SMIM31: variants seen among roughly 807,000 people sequenced by gnomAD.
The protein encoded by SMIM31 is human epithelial cell program regulator.
intron 2 of SMIM31, among the ~76,000 whole-genome samples, chr4:164,774,097 T>C (rs1407592294): frequency 3.6e-5 from 5 of 138,826 alleles, no homozygotes. Context: ...ACCCGGGAGG[T>C]GGAGCATGCC....
intron 2 of SMIM31, among the ~76,000 whole-genome samples, chr4:164,785,845 G>A (rs889862957): frequency 6.6e-6 from 1 of 152,016 alleles, no homozygotes; most frequent in African/African-American, 2.4e-5. Flanking sequence ...AATGGAAGAA[G>A]TAGAATATCA....
At position 164,772,568 on chromosome 4, in the gene SMIM31, T is replaced by A. The variant is rs1732819721; in HGVS notation, c.112+2013T>A. On this transcript the variant is annotated intron_variant, in intron 2 of 2. Coordinates refer to ENST00000507311, the MANE Select transcript of SMIM31 (RefSeq NM_001352885.1). ...CAAGCAAGGACACTGAAGTTTTATT[T>A]TTTTTATTTTTATTTTATTTTTTTT... Among the ~76,000 whole-genome samples the A allele has an allele frequency of 9.2e-5, 10 of 108,840 alleles. 1 individual carries two copies. The highest frequency in any genetic ancestry group is 8.9e-4 in the Admixed American group (9 of 10,114). The allele number at this position is 108,840 out of a possible 152,430, so 71.4% of individuals were successfully genotyped here.
chr4:164,758,676 C>T (rs573501700), intron 1 of SMIM31, among the ~76,000 whole-genome samples: 1 of 146,032 alleles, frequency 6.8e-6, no homozygotes, highest in African/African-American at 2.5e-5. Context: ...CTCTGTCCCC[C>T]AGGCTAGACT....
intron 2 of SMIM31, among the ~76,000 whole-genome samples, chr4:164,779,544 T>G (rs1311296599): frequency 6.6e-6 from 1 of 152,218 alleles, no homozygotes; most frequent in African/African-American, 2.4e-5. Flanking sequence ...CAGCAATTTT[T>G]TTTTGCAATT....
intron 2 of SMIM31, among the ~76,000 whole-genome samples, chr4:164,788,045 C>A (rs1733049296): frequency 6.6e-6 from 1 of 152,154 alleles, no homozygotes; most frequent in Non-Finnish European, 1.5e-5. Flanking sequence ...CTCAGTTTTA[C>A]ACAATATATA....
chr4:164,762,735 C>A (rs1732669094), intron 1 of SMIM31, among the ~76,000 whole-genome samples: 1 of 149,714 alleles, frequency 6.7e-6, no homozygotes, highest in Admixed American at 6.6e-5. Context: ...TCAGAGCGCA[C>A]AATGCTGCTA....
At chr4:164,761,786 T>A (rs964824097) in intron 1 of SMIM31, among the ~76,000 whole-genome samples, 1 of 149,698 alleles carries the variant, frequency 6.7e-6, no homozygotes, top group African/African-American at 2.5e-5. Context: ...TAGCCAGGTG[T>A]GGTGGCTAGT....
At chr4:164,790,840 A>G (rs1190262444) in intron 2 of SMIM31, among the ~76,000 whole-genome samples, 1 of 152,184 alleles carries the variant, frequency 6.6e-6, no homozygotes, top group Non-Finnish European at 1.5e-5. Context: ...TTAAGAAATC[A>G]AAATAAAAGA....
intron 1 of SMIM31, among the ~76,000 whole-genome samples, chr4:164,765,170 G>A (rs979701978): frequency 6.6e-6 from 1 of 152,162 alleles, no homozygotes; most frequent in Admixed American, 6.5e-5. Flanking sequence ...GTTGCCCAAA[G>A]AAACAGAGGA....
intron 2 of SMIM31, among the ~76,000 whole-genome samples, chr4:164,772,679 C>T (rs1392135187): frequency 3.6e-4 from 54 of 151,422 alleles, no homozygotes; most frequent in African/African-American, 1.3e-3. Context: ...CCCGGGTTCA[C>T]GCCATTCTCC....
chr4:164,766,071 T>C (rs956595858), intron 1 of SMIM31, among the ~76,000 whole-genome samples: 9 of 152,060 alleles, frequency 5.9e-5, no homozygotes, highest in Non-Finnish European at 5.9e-5. Context: ...GTGAGCTCTG[T>C]CAGCAGCCAT....
At chr4:164,765,273 A>G (rs928919966) in intron 1 of SMIM31, among the ~76,000 whole-genome samples, 1 of 152,232 alleles carries the variant, frequency 6.6e-6, no homozygotes, top group East Asian at 1.9e-4. Flanking sequence ...AACAGCATTG[A>G]CAGGAGCTGG....
At chr4:164,788,308 G>T (rs939683589) in intron 2 of SMIM31, among the ~76,000 whole-genome samples, 22 of 151,974 alleles carry the variant, frequency 1.4e-4, no homozygotes, top group Non-Finnish European at 2.8e-4. Context: ...TTGTTGTCCT[G>T]TTGTCCTGTG....
chr4:164,772,507 T>A (rs1732818640), intron 2 of SMIM31, among the ~76,000 whole-genome samples: 1 of 152,126 alleles, frequency 6.6e-6, no homozygotes, highest in Non-Finnish European at 1.5e-5. Context: ...CTTAAAACAA[T>A]CCCATGAGAT....
chr4:164,763,683 C>A (rs1732680980), intron 1 of SMIM31, among the ~76,000 whole-genome samples: 1 of 152,124 alleles, frequency 6.6e-6, no homozygotes, highest in African/African-American at 2.4e-5. Flanking sequence ...ACAGATTAAG[C>A]AAATTCAACA....
chr4:164,761,681 G>A (rs1184850528), intron 1 of SMIM31, among the ~76,000 whole-genome samples: 1 of 151,958 alleles, frequency 6.6e-6, no homozygotes, highest in Non-Finnish European at 1.5e-5. Flanking sequence ...CACTTTGGGA[G>A]GCCAAAGAGG....
intron 2 of SMIM31, among the ~76,000 whole-genome samples, chr4:164,793,303 G>A (rs1027091066): frequency 1.1e-4 from 16 of 152,000 alleles, no homozygotes; most frequent in South Asian, 2.1e-4. Context: ...TCCAAACCTC[G>A]GTATCCCACA....
chr4:164,759,000 A>T (rs1732610834), intron 1 of SMIM31, among the ~76,000 whole-genome samples: 1 of 151,060 alleles, frequency 6.6e-6, no homozygotes, highest in African/African-American at 2.4e-5. Context: ...TTATTCTGTT[A>T]ATAGAGAACA....
rs71618417 is a variant in SMIM31 at position 164,766,803 on chromosome 4, A to T, written c.-25-3616A>T. ...CAGAGTGAGACTCCATCTCAAAAAAAAAAAAAAGAAGAAAAATGCAATGGA... is the reference window on the plus strand; with the variant it reads ...CAGAGTGAGACTCCATCTCAAAAAATAAAAAAAGAAGAAAAATGCAATGGA... On this transcript the variant is annotated intron_variant, in intron 1 of 2. Coordinates refer to ENST00000507311, the MANE Select transcript of SMIM31 (RefSeq NM_001352885.1). Among the ~76,000 whole-genome samples the T allele has an allele frequency of 5.5e-3, 843 of 152,206 alleles. 4 individuals carry two copies. The highest frequency in any genetic ancestry group is 8.8e-3 in the Non-Finnish European group (597 of 68,004).
Sources: allele counts gnomAD v4.1 joint callset (sites outside exome capture counted in the v4.1 genomes callset), GRCh38; gene constraint gnomAD v4.1.1; transcripts MANE v1.5; gene names NCBI Gene and HGNC (gene_info 2026-07-23, HGNC 2026-07-21).